FAM117B: variants seen among roughly 807,000 people sequenced by gnomAD.
FAM117B encodes family with sequence similarity 117 member B, also known as protein FAM117B.
A neutral mutation model predicts 52.8 loss-of-function variants in FAM117B; 22 were observed. The ratio of observed to expected loss-of-function variants is 0.42; its 90% CI spans 0.30 to 0.59. The LOEUF is 0.59. Among genes scored for constraint, FAM117B ranks in the 20% least tolerant of loss-of-function variants. The pLI is 0.22. For synonymous variants in FAM117B, 309 were observed against 324.1 expected (o/e 0.95, Z 0.50); for missense variants, 678 against 802.6 (o/e 0.84, Z 1.88).
At position 202,637,189 on chromosome 2, in the gene FAM117B, G is replaced by A. The variant is rs568246236; in HGVS notation, c.601+1401G>A. On this transcript the variant is annotated intron_variant, in intron 1 of 7. Transcript: ENST00000392238. ...TGGGATTACAGGCATGCGCCACTGCGCCCGGCCCGAATAGTGTTTTCTAAT... is the reference window on the plus strand; with the variant it reads ...TGGGATTACAGGCATGCGCCACTGCACCCGGCCCGAATAGTGTTTTCTAAT... Among the ~76,000 whole-genome samples, 9 of 151,824 alleles carry A rather than the reference G, an allele frequency of 5.9e-5. No homozygotes were observed. The South Asian group carries it at 8.3e-4, about 14-fold the overall frequency.
intron 4 of FAM117B, among the ~76,000 whole-genome samples, chr2:202,745,863 G>A (rs1305058905): frequency 6.6e-6 from 1 of 152,178 alleles, no homozygotes. Context: ...GTTATTATAT[G>A]TAATGATAAA....
At chr2:202,709,160 A>G (rs1002901857) in intron 2 of FAM117B, among the ~76,000 whole-genome samples, 4 of 149,050 alleles carry the variant, frequency 2.7e-5, no homozygotes, top group African/African-American at 4.9e-5. Context: ...AGAAATGTCT[A>G]TTCAAGTCCT....
chr2:202,737,171 A>T (rs1346297645), intron 4 of FAM117B, among the ~76,000 whole-genome samples: 3 of 146,838 alleles, frequency 2.0e-5, no homozygotes, highest in African/African-American at 7.4e-5. Flanking sequence ...GGACTGAATT[A>T]AAAAAAAAAA....
At chr2:202,635,847 C>T (rs1302497664) in intron 1 of FAM117B, 59 bp downstream of exon 1, 4 of 1,345,098 alleles carry the variant, frequency 3.0e-6, no homozygotes, top group Non-Finnish European at 3.8e-6. Flanking sequence ...GTCCCGGGCG[C>T]GCGCTGCAAT....
intron 4 of FAM117B, among the ~76,000 whole-genome samples, chr2:202,740,170 C>A (rs62194153): frequency 1.1e-4 from 1 of 8,952 alleles, no homozygotes; most frequent in Non-Finnish European, 2.0e-4. Context: ...GAGACTTCAT[C>A]CCCCAAAAAA....
At chr2:202,669,965 T>G (rs1349763581) in intron 1 of FAM117B, among the ~76,000 whole-genome samples, 1 of 152,180 alleles carries the variant, frequency 6.6e-6, no homozygotes, top group Non-Finnish European at 1.5e-5. Context: ...TTCAGGACAT[T>G]CTCTTAATTT....
chr2:202,721,113 T>G (rs1181209547), intron 2 of FAM117B, among the ~76,000 whole-genome samples: 1 of 152,190 alleles, frequency 6.6e-6, no homozygotes, highest in Non-Finnish European at 1.5e-5. Context: ...GTTCCTCCCC[T>G]CTTCCATGAG....
At chr2:202,736,888 T>C (rs963307210) in intron 4 of FAM117B, among the ~76,000 whole-genome samples, 9 of 152,086 alleles carry the variant, frequency 5.9e-5, no homozygotes, top group African/African-American at 1.7e-4. Context: ...TCCATCCTAC[T>C]TGCCTATCAA....
chr2:202,687,113 A>G (rs752412158), intron 1 of FAM117B, among the ~76,000 whole-genome samples: 5 of 152,206 alleles, frequency 3.3e-5, no homozygotes, highest in Non-Finnish European at 5.9e-5. Context: ...CTCCTCAGCA[A>G]TAAAAAGGAA....
chr2:202,745,279 CAA>C (rs199723740), intron 4 of FAM117B, among the ~76,000 whole-genome samples: 41 of 115,404 alleles, frequency 3.6e-4, no homozygotes, highest in Non-Finnish European at 3.3e-4. Context: ...GACTCTGTGT[CAA>C]AAAAAAAAAA....
chr2:202,638,572 A>T (rs1047958413), intron 1 of FAM117B, among the ~76,000 whole-genome samples: 6 of 151,732 alleles, frequency 4.0e-5, no homozygotes, highest in African/African-American at 1.5e-4. Context: ...CTCCCCTATC[A>T]AAATAAATAA....
chr2:202,729,958 T>C (rs555977859), intron 4 of FAM117B, among the ~76,000 whole-genome samples: 1 of 152,226 alleles, frequency 6.6e-6, no homozygotes, highest in South Asian at 2.1e-4. Flanking sequence ...GAGACAAGAT[T>C]AGAAGTAGGG....
In FAM117B at chr2:202,760,686, C is replaced by T. The variant is rs143596197; in HGVS notation, c.1451+1333C>T. The stretch of plus-strand genomic sequence containing the variant: ...GGAAGTCTGATTCTCAGTTTTTTCA[C>T]TTCTCTGTGGCCCCAGGAACTGTCT... On this transcript the variant is annotated intron_variant, in intron 7 of 7. Coordinates refer to ENST00000392238, the MANE Select transcript of FAM117B (RefSeq NM_173511.4). Among the ~76,000 whole-genome samples, 241 of 152,210 alleles carry T rather than the reference C, an allele frequency of 1.6e-3. 2 individuals carry two copies. Among genetic ancestry groups the T allele is most frequent in the Non-Finnish European group, 1.2e-3 (84 of 68,024 alleles).
chr2:202,741,013 C>T (rs1185728138), intron 4 of FAM117B, among the ~76,000 whole-genome samples: 1 of 152,182 alleles, frequency 6.6e-6, no homozygotes, highest in Non-Finnish European at 1.5e-5. Context: ...ATGAGAGATA[C>T]TTCCACTAGG....
At chr2:202,658,249 T>G (rs752147398) in intron 1 of FAM117B, among the ~76,000 whole-genome samples, 2 of 152,178 alleles carry the variant, frequency 1.3e-5, no homozygotes, top group African/African-American at 2.4e-5. Context: ...TTAGCATTTG[T>G]TTTAGAACAG....
At chr2:202,726,994 C>G (rs1691254777) in intron 4 of FAM117B, among the ~76,000 whole-genome samples, 2 of 151,786 alleles carry the variant, frequency 1.3e-5, no homozygotes, top group African/African-American at 4.8e-5. Context: ...AGAGACAAAC[C>G]TTTATCTGCT....
rs559711344 is a variant in FAM117B at position 202,715,442 on chromosome 2, C to G, written c.754-9475C>G. Among the ~76,000 whole-genome samples the G allele has an allele frequency of 5.5e-5, 8 of 145,294 alleles. No individual in the cohort carries two copies. In the East Asian group the frequency reaches 1.5e-3, roughly 27 times the overall value. On this transcript the variant is annotated intron_variant, in intron 2 of 7. Transcript: ENST00000392238. ...GCAGAGACGCTCCTCACCTCCCAGACGGGGTTGCGGCCGGGCAGAGGCGCT... is the reference window on the plus strand; with the variant it reads ...GCAGAGACGCTCCTCACCTCCCAGAGGGGGTTGCGGCCGGGCAGAGGCGCT...
At chr2:202,740,201 A>AAAAAAAAAAAAAT (rs1559113324) in intron 4 of FAM117B, among the ~76,000 whole-genome samples, 4 of 147,506 alleles carry the variant, frequency 2.7e-5, no homozygotes, top group African/African-American at 1.0e-4. Flanking sequence ...AAAAAAAAAA[A>AAAAAAAAAAAAAT]ATCCCCAAAT....
intron 2 of FAM117B, among the ~76,000 whole-genome samples, chr2:202,710,901 T>G (rs145764247): frequency 1.3e-5 from 2 of 152,316 alleles, no homozygotes; most frequent in East Asian, 3.9e-4. Flanking sequence ...TTTTTTGTTA[T>G]GGCTGAATAG....
Sources: gnomAD v4.1 joint callset for allele counts (sites outside exome capture counted in the v4.1 genomes callset) on GRCh38, gnomAD v4.1.1 for gene constraint, MANE v1.5 for transcripts, NCBI Gene and HGNC (gene_info 2026-07-23, HGNC 2026-07-21) for gene names.